Variants in DDAH1 observed in about 807,000 individuals in gnomAD.
DDAH1 encodes the protein dimethylarginine dimethylaminohydrolase 1.
Under a neutral mutation model 28.8 loss-of-function variants are expected in DDAH1, and 19 were observed. That is an observed-to-expected ratio of 0.66 (90% CI 0.46 to 0.97). DDAH1 has a LOEUF of 0.97. Ranked by LOEUF, DDAH1 falls within the 50% of genes least tolerant of loss-of-function variation. The pLI is 0.00. For synonymous variants in DDAH1, 153 were observed against 154.4 expected (o/e 0.99, Z 0.07); for missense variants, 326 against 375.9 (o/e 0.87, Z 1.10).
intron 4 of DDAH1, 71 bp from the exon 5 acceptor site, chr1:85,324,954 G>C: frequency 6.4e-7 from 1 of 1,566,248 alleles, no homozygotes; most frequent in Non-Finnish European, 8.7e-7. Context: ...AAGGCAGTGT[G>C]GTAGGATACA....
At chr1:85,487,752 C>T (rs1327394568) in intron 2 of DDAH1, among the ~76,000 whole-genome samples, 2 of 152,186 alleles carry the variant, frequency 1.3e-5, no homozygotes, top group East Asian at 1.9e-4. Context: ...ATCAGTTTCT[C>T]ATTTACACTT....
intron 2 of DDAH1, among the ~76,000 whole-genome samples, chr1:85,485,675 T>TTACTCAGTTCA (rs1354651587): frequency 6.6e-6 from 1 of 152,228 alleles, no homozygotes; most frequent in East Asian, 1.9e-4. Flanking sequence ...CTTGTGACTA[T>TTACTCAGTTCA]GCTCATTACT....
chr1:85,361,143 G>C (rs1570431750), intron 1 of DDAH1, among the ~76,000 whole-genome samples: 2 of 152,200 alleles, frequency 1.3e-5, no homozygotes, highest in East Asian at 3.8e-4. Context: ...TCGGCAGGCT[G>C]TCCATTGGGA....
At chr1:85,449,537 T>C (rs990426425) in intron 1 of DDAH1, among the ~76,000 whole-genome samples, 61 of 152,076 alleles carry the variant, frequency 4.0e-4, no homozygotes, top group African/African-American at 1.4e-3. Flanking sequence ...AATAGCCAGA[T>C]GGCTTCCAGG....
At chr1:85,530,892 G>A (rs1376598130) in intron 1 of DDAH1, among the ~76,000 whole-genome samples, 2 of 150,412 alleles carry the variant, frequency 1.3e-5, no homozygotes, top group Non-Finnish European at 2.9e-5. Context: ...TTGGGAGGCT[G>A]AGCCAGGAGA....
At chr1:85,379,830 C>T (rs1650882313) in intron 1 of DDAH1, 2 of 428,022 alleles carry the variant, frequency 4.7e-6, no homozygotes, top group South Asian at 2.0e-4. Context: ...GAGTTCCTCA[C>T]TCTTTTCCAC....
At chr1:85,554,682 T>G (rs567803750) in intron 1 of DDAH1, among the ~76,000 whole-genome samples, 2 of 152,272 alleles carry the variant, frequency 1.3e-5, no homozygotes, top group African/African-American at 4.8e-5. Flanking sequence ...TCAAAACAAA[T>G]GGAGAAATTG....
At chr1:85,399,545 C>G (rs924102488) in intron 1 of DDAH1, 1 of 152,208 alleles carries the variant, frequency 6.6e-6, no homozygotes, top group East Asian at 1.9e-4. Flanking sequence ...GCATTAGGCC[C>G]CAACAGATTT....
chr1:85,561,821 G>A (rs1010055832), intron 1 of DDAH1, among the ~76,000 whole-genome samples: 3 of 152,146 alleles, frequency 2.0e-5, no homozygotes, highest in East Asian at 1.9e-4. Flanking sequence ...AACTTAGAAC[G>A]TATACTTCTA....
chr1:85,558,063 T>TA (rs113329343), intron 1 of DDAH1, among the ~76,000 whole-genome samples: 6,097 of 144,020 alleles, frequency 0.042, 171 homozygotes, highest in African/African-American at 0.081. Flanking sequence ...TCCAAACCAG[T>TA]AAAAAAAAAA....
intron 1 of DDAH1, among the ~76,000 whole-genome samples, chr1:85,512,124 A>G (rs1570625979): frequency 6.6e-6 from 1 of 152,236 alleles, no homozygotes; most frequent in Non-Finnish European, 1.5e-5. Context: ...AACCGAATCC[A>G]GCAGTACATC....
intron 1 of DDAH1, among the ~76,000 whole-genome samples, chr1:85,507,253 G>A (rs1000746050): frequency 1.3e-5 from 2 of 151,970 alleles, no homozygotes; most frequent in Non-Finnish European, 2.9e-5. Context: ...GCCTGTAATC[G>A]CAGCACCTTG....
intron 1 of DDAH1, chr1:85,521,484 A>G: frequency 4.3e-6 from 1 of 233,078 alleles, no homozygotes; most frequent in Non-Finnish European, 7.1e-6. Flanking sequence ...AATCTGAAAG[A>G]TCCCTGCTAT....
At chr1:85,344,555 T>TCTCCCTTCC in intron 4 of DDAH1, among the ~76,000 whole-genome samples, 1 of 145,882 alleles carries the variant, frequency 6.9e-6, no homozygotes, top group Non-Finnish European at 1.5e-5. Context: ...TCCCTCCCTC[T>TCTCCCTTCC]CTCCCTTCCC....
chr1:85,571,787 C>CTTTTTTTTTTT lies in DDAH1; in HGVS notation c.-123+6186_-123+6196dup, dbSNP rs58835610. On this transcript the variant is annotated intron_variant, in intron 1 of 6. Coordinates refer to the DDAH1 transcript ENST00000426972. ...CCTTTTAGAATGAACTGTTTATAAG[C>CTTTTTTTTTTT]TTTTTTTTTTTTTTTTTTTTTTTTT... is the stretch of plus-strand genomic sequence containing the variant. Among the ~76,000 whole-genome samples the CTTTTTTTTTTT allele has an allele frequency of 5.5e-4, 47 of 85,414 alleles. 1 individual carries two copies. Among genetic ancestry groups the CTTTTTTTTTTT allele is most frequent in the East Asian group, 7.9e-4 (2 of 2,536 alleles). The allele number at this position is 85,414 out of a possible 152,430, so 56.0% of individuals were successfully genotyped here.
At chr1:85,562,593 T>C (rs368676796) in intron 1 of DDAH1, among the ~76,000 whole-genome samples, 1 of 152,230 alleles carries the variant, frequency 6.6e-6, no homozygotes, top group Non-Finnish European at 1.5e-5. Flanking sequence ...AGAGGAAATT[T>C]GATCACAGAG....
chr1:85,475,850 TTTTTGG>T (rs1655783073), intron 2 of DDAH1, among the ~76,000 whole-genome samples: 1 of 152,102 alleles, frequency 6.6e-6, no homozygotes, highest in Non-Finnish European at 1.5e-5. Flanking sequence ...TGTTCGTTTG[TTTTTGG>T]TTTTGGTTTT....
chr1:85,336,364 CAA>C (rs1019805490), intron 4 of DDAH1, among the ~76,000 whole-genome samples: 2 of 151,616 alleles, frequency 1.3e-5, no homozygotes, highest in Non-Finnish European at 2.9e-5. Context: ...TGGAATAAAA[CAA>C]GAAATCAGCA....
chr1:85,362,540 C>T (rs900903847), intron 1 of DDAH1, among the ~76,000 whole-genome samples: 1 of 152,118 alleles, frequency 6.6e-6, no homozygotes, highest in African/African-American at 2.4e-5. Context: ...ATCCTGTCTT[C>T]TCTTTTCACT....
Sources: allele counts gnomAD v4.1 joint callset (sites outside exome capture counted in the v4.1 genomes callset), GRCh38; gene constraint gnomAD v4.1.1; transcripts MANE v1.5; gene names NCBI Gene and HGNC (gene_info 2026-07-23, HGNC 2026-07-21).